FBXO9: variants seen among roughly 807,000 people sequenced by gnomAD.
FBXO9 encodes F-box protein 9.
FBXO9 carries 43 observed loss-of-function variants against 63.7 expected under a neutral mutation model. The observed-to-expected ratio is 0.67, with a 90% CI of 0.53 to 0.87. The LOEUF (loss-of-function observed/expected upper bound fraction) is 0.87, where lower values mean the gene tolerates loss of function less well. Among genes scored for constraint, FBXO9 ranks in the 40% least tolerant of loss-of-function variants. The pLI is 0.00. For missense variants in FBXO9, 442 were observed against 533.2 expected, an observed-to-expected ratio of 0.83 and a Z score of 1.68; for synonymous variants, 156 against 171.7, an observed-to-expected ratio of 0.91 and a Z score of 0.72.
chr6:53,086,624 G>A (rs928383147), intron 7 of FBXO9, among the ~76,000 whole-genome samples: 1 of 152,192 alleles, frequency 6.6e-6, no homozygotes, highest in African/African-American at 2.4e-5. Flanking sequence ...ATATAAACAA[G>A]AAAACTAGTA....
chr6:53,066,153 A>C, intron 1 of FBXO9: 2 of 1,063,774 alleles, frequency 1.9e-6, no homozygotes, highest in Non-Finnish European at 2.3e-6. Context: ...AGATTGAGGT[A>C]AGCTGTCACA....
At chr6:53,067,433 A>G (rs1325210497) in intron 1 of FBXO9, among the ~76,000 whole-genome samples, 1 of 152,212 alleles carries the variant, frequency 6.6e-6, no homozygotes, top group Non-Finnish European at 1.5e-5. Context: ...ATGGGAACAC[A>G]AAAATGTTGA....
chr6:53,084,237 G>C (rs2127495021), intron 7 of FBXO9, among the ~76,000 whole-genome samples: 1 of 152,322 alleles, frequency 6.6e-6, no homozygotes, highest in Middle Eastern at 3.4e-3. Context: ...AGGGAATTAG[G>C]TGAGACCATG....
At chr6:53,067,076 C>T (rs1457527667) in intron 1 of FBXO9, among the ~76,000 whole-genome samples, 4 of 152,156 alleles carry the variant, frequency 2.6e-5, no homozygotes, top group Non-Finnish European at 5.9e-5. Context: ...TTTTATTTGT[C>T]GATTCAGCCA....
chr6:53,094,537 A>G (rs1452507213), intron 11 of FBXO9, among the ~76,000 whole-genome samples: 2 of 152,234 alleles, frequency 1.3e-5, no homozygotes, highest in East Asian at 1.9e-4. Context: ...CACGTTTTCA[A>G]TCCTGGTTAA....
chr6:53,093,276 T>G, intron 9 of FBXO9, 190 bp from the exon 10 acceptor site: 1 of 473,454 alleles, frequency 2.1e-6, no homozygotes, highest in South Asian at 4.7e-5. Context: ...AGATAAAATA[T>G]CTTTGGTTCT....
chr6:53,093,417 A>G, intron 9 of FBXO9, 49 bp from the exon 10 acceptor site: 2 of 1,304,264 alleles, frequency 1.5e-6, no homozygotes, highest in Non-Finnish European at 2.2e-6. Context: ...GACATATTTT[A>G]TACTTTGTGT....
At position 53,093,921 on chromosome 6, in the gene FBXO9, A is replaced by T. The variant is rs1291733843; in HGVS notation, c.996A>T (p.Ser332=). ...TTCTACTGGGTCACTATCGCTTGTCACAAGACACAGACAATCAGACCAAAG... is the reference window on the plus strand; with the variant it reads ...TTCTACTGGGTCACTATCGCTTGTCTCAAGACACAGACAATCAGACCAAAG... The part of the protein sequence containing the change: ...DAILLGHYRL[S]QDTDNQTKVF... The change falls in exon 11 of 13, where the codon TCA becomes TCT. Residue 332 remains serine, a synonymous_variant. Transcript: ENST00000323557. The T allele has an allele frequency of 6.4e-7, 1 of 1,554,764 alleles. No homozygotes were observed. Among genetic ancestry groups the T allele is most frequent in the African/African-American group, 1.4e-5 (1 of 73,190 alleles).
chr6:53,072,507 C>T (rs12530154), intron 2 of FBXO9, among the ~76,000 whole-genome samples: 12,458 of 152,204 alleles, frequency 0.082, 526 homozygotes, highest in Middle Eastern at 0.14. Context: ...ACCTGAGTTG[C>T]AAAGAGCCAA....
rs753412896 is a variant in FBXO9, at chr6:53,098,190, C to T, written c.*360C>T. ...ATGAGCAGATTTCTGTCACATAAGT[C>T]GTCTTCTGCTTGAGTATCCTAATAT... On this transcript the variant is annotated 3_prime_UTR_variant, in exon 13 of 13. Coordinates refer to ENST00000323557, the MANE Select transcript of FBXO9 (RefSeq NM_033480.3). 1.5e-4 allele frequency: 55 copies of T among 378,048 alleles called. 1 individual carries two copies. The highest frequency in any genetic ancestry group is 1.9e-4 in the Admixed American group (7 of 37,024). 23.4% of individuals were successfully genotyped at this position (378,048 alleles called of 1,614,324 possible).
Position 53,098,198 on chromosome 6 carries a change from G to C in FBXO9, c.*368G>C, listed in dbSNP as rs1473193881. 2.7e-6 allele frequency: 1 copy of C among 368,668 alleles called. No homozygotes were observed. Among genetic ancestry groups the C allele is most frequent in the Admixed American group, 2.7e-5 (1 of 36,546 alleles). 22.8% of individuals were successfully genotyped at this position (368,668 alleles called of 1,614,324 possible). On this transcript the variant is annotated 3_prime_UTR_variant, in exon 13 of 13. Transcript: ENST00000323557. ...ATTTCTGTCACATAAGTCGTCTTCTGCTTGAGTATCCTAATATTTCAATGC... is the reference window on the plus strand; with the variant it reads ...ATTTCTGTCACATAAGTCGTCTTCTCCTTGAGTATCCTAATATTTCAATGC...
At chr6:53,066,444 T>C (rs1657104366) in intron 1 of FBXO9, among the ~76,000 whole-genome samples, 1 of 152,242 alleles carries the variant, frequency 6.6e-6, no homozygotes, top group Non-Finnish European at 1.5e-5. Flanking sequence ...CTGTTCCATA[T>C]TGGAATACGT....
At position 53,078,897 on chromosome 6, in the gene FBXO9, T is replaced by C. The variant is rs1287659545; in HGVS notation, c.406T>C (p.Tyr136His). ...SPDGDGVGNSYIEDNDDDSKM... is the reference protein window; with the variant it reads ...SPDGDGVGNSHIEDNDDDSKM... ...AGATGGTGATGGCGTTGGAAACAGCTAGTGCGTATATAATTTGATAGATAG... is the reference window on the plus strand; with the variant it reads ...AGATGGTGATGGCGTTGGAAACAGCCAGTGCGTATATAATTTGATAGATAG... The change falls in exon 5 of 13, where the codon TAC becomes CAC. Residue 136 changes from tyrosine to histidine, a missense_variant and splice_region_variant. By Grantham distance (83) the Tyr-to-His change is moderately conservative (BLOSUM62 2). Transcript: ENST00000323557. 1.2e-6 allele frequency: 2 copies of C among 1,608,830 alleles called. No individual in the cohort carries two copies. The highest frequency in any genetic ancestry group is 2.2e-5 in the South Asian group (2 of 90,932).
At chr6:53,089,189 C>G (rs1451181959) in intron 7 of FBXO9, among the ~76,000 whole-genome samples, 1 of 152,116 alleles carries the variant, frequency 6.6e-6, no homozygotes, top group African/African-American at 2.4e-5. Context: ...ATTCTCCTGC[C>G]TCAGCCTCCC....
At chr6:53,071,268 T>C in intron 2 of FBXO9, 125 bp downstream of exon 2, 2 of 856,726 alleles carry the variant, frequency 2.3e-6, no homozygotes, top group East Asian at 2.7e-5. Context: ...GTTTCCATAC[T>C]GGTTTATAGA....
At chr6:53,096,513 A>G (rs976061224) in intron 12 of FBXO9, among the ~76,000 whole-genome samples, 4 of 152,208 alleles carry the variant, frequency 2.6e-5, no homozygotes, top group African/African-American at 4.8e-5. Flanking sequence ...TCCTGACAAC[A>G]GAACGTTTTT....
At chr6:53,074,304 CAT>C (rs1407067263) in intron 3 of FBXO9, among the ~76,000 whole-genome samples, 2 of 152,170 alleles carry the variant, frequency 1.3e-5, no homozygotes, top group African/African-American at 4.8e-5. Context: ...AAATAATTGG[CAT>C]TACCATGATG....
chr6:53,072,361 A>T (rs1466534815), intron 2 of FBXO9, among the ~76,000 whole-genome samples: 1 of 152,176 alleles, frequency 6.6e-6, no homozygotes, highest in African/African-American at 2.4e-5. Context: ...ATTAAGGAGT[A>T]TTCTTGGGAT....
At chr6:53,096,560 C>G (rs770788324) in intron 12 of FBXO9, among the ~76,000 whole-genome samples, 1 of 152,164 alleles carries the variant, frequency 6.6e-6, no homozygotes, top group Non-Finnish European at 1.5e-5. Context: ...ACTATATCTC[C>G]TTTTTGCTTC....
Sources: allele counts gnomAD v4.1 joint callset (sites outside exome capture counted in the v4.1 genomes callset), GRCh38; gene constraint gnomAD v4.1.1; transcripts MANE v1.5; gene names NCBI Gene and HGNC (gene_info 2026-07-23, HGNC 2026-07-21).